IQCM: variants seen among roughly 807,000 people sequenced by gnomAD.
IQCM encodes IQ domain-containing protein M.
Under a neutral mutation model 57.6 loss-of-function variants are expected in IQCM, and 45 were observed. The ratio of observed to expected loss-of-function variants is 0.78; its 90% CI spans 0.62 to 1.00. The LOEUF (loss-of-function observed/expected upper bound fraction) is 1.00, where lower values mean the gene tolerates loss of function less well. Among genes scored for constraint, IQCM ranks in the 50% least tolerant of loss-of-function variants. The probability of loss-of-function intolerance (pLI) is 0.00; values close to 1 mark genes in which losing one functional copy is unlikely to be tolerated. For missense variants in IQCM, 468 were observed against 511.6 expected (o/e 0.91, Z 0.82); for synonymous variants, 148 against 158.9 (o/e 0.93, Z 0.51).
intron 2 of IQCM, among the ~76,000 whole-genome samples, chr4:149,746,818 C>T (rs1671657049): frequency 6.6e-6 from 1 of 152,198 alleles, no homozygotes; most frequent in Admixed American, 6.5e-5. Context: ...AAATCAACTG[C>T]ATGGGCAAGA....
At chr4:149,607,170 A>T (rs560696632) in intron 8 of IQCM, among the ~76,000 whole-genome samples, 1 of 152,176 alleles carries the variant, frequency 6.6e-6, no homozygotes, top group Non-Finnish European at 1.5e-5. Flanking sequence ...AGTAAAAGAA[A>T]AAAAAAGCAA....
At chr4:149,461,332 T>C (rs1579134325) in intron 12 of IQCM, among the ~76,000 whole-genome samples, 1 of 151,702 alleles carries the variant, frequency 6.6e-6, no homozygotes, top group East Asian at 1.9e-4. Context: ...AGGTAACATC[T>C]AATGACCACT....
intron 5 of IQCM, among the ~76,000 whole-genome samples, chr4:149,714,976 C>A (rs1374786432): frequency 6.6e-6 from 1 of 152,166 alleles, no homozygotes; most frequent in African/African-American, 2.4e-5. Flanking sequence ...TTGTTTATTT[C>A]TGGAATTTCC....
intron 9 of IQCM, among the ~76,000 whole-genome samples, chr4:149,564,246 C>T (rs1377502132): frequency 1.3e-5 from 2 of 152,138 alleles, no homozygotes; most frequent in African/African-American, 4.8e-5. Context: ...CAGAGTACTT[C>T]AAAATTATTT....
chr4:149,426,140 C>G (rs892603630), intron 13 of IQCM, among the ~76,000 whole-genome samples: 1 of 151,918 alleles, frequency 6.6e-6, no homozygotes, highest in Admixed American at 6.6e-5. Flanking sequence ...TTTAATTAGT[C>G]CATTATATTT....
chr4:149,553,441 A>G (rs1451129428), intron 10 of IQCM, among the ~76,000 whole-genome samples, 154 bp from the exon 11 acceptor site: 2 of 152,192 alleles, frequency 1.3e-5, no homozygotes, highest in African/African-American at 4.8e-5. Flanking sequence ...TTGTAGAGTA[A>G]TATAATCTCC....
At chr4:149,376,967 C>T (rs1462421110) in intron 13 of IQCM, among the ~76,000 whole-genome samples, 1 of 152,062 alleles carries the variant, frequency 6.6e-6, no homozygotes, top group Non-Finnish European at 1.5e-5. Flanking sequence ...TGCTACCACT[C>T]ATACTGGGTT....
intron 12 of IQCM, among the ~76,000 whole-genome samples, chr4:149,534,120 C>A (rs77027315): frequency 0.017 from 2,616 of 152,104 alleles, 77 homozygotes; most frequent in African/African-American, 0.06. Flanking sequence ...AATCTAGGTA[C>A]CTTAACTTTC....
At chr4:149,390,486 C>T (rs1308523249) in intron 13 of IQCM, among the ~76,000 whole-genome samples, 3 of 151,572 alleles carry the variant, frequency 2.0e-5, no homozygotes, top group Non-Finnish European at 4.4e-5. Context: ...GTGAGAATAT[C>T]TATCCTAAAG....
chr4:149,757,115 G>A (rs192128120), intron 2 of IQCM, among the ~76,000 whole-genome samples: 1,567 of 152,000 alleles, frequency 0.01, 14 homozygotes, highest in African/African-American at 0.035. Context: ...AAAATTAGCC[G>A]GGCATGGTGG....
intron 13 of IQCM, among the ~76,000 whole-genome samples, chr4:149,379,657 T>G (rs1364444231): frequency 2.0e-5 from 3 of 152,212 alleles, no homozygotes; most frequent in Non-Finnish European, 4.4e-5. Flanking sequence ...CTTTTGATCT[T>G]ACAGGCTCAC....
intron 7 of IQCM, among the ~76,000 whole-genome samples, chr4:149,659,331 G>C (rs1476175709): frequency 6.6e-6 from 1 of 151,990 alleles, no homozygotes; most frequent in Non-Finnish European, 1.5e-5. Flanking sequence ...AAATAAAAGA[G>C]GATACAAACA....
chr4:149,434,682 C>G (rs987134109), intron 12 of IQCM, among the ~76,000 whole-genome samples: 1 of 152,064 alleles, frequency 6.6e-6, no homozygotes, highest in Admixed American at 6.6e-5. Context: ...TACTGTCCTG[C>G]TTGTGAGGCT....
rs374455522 is a variant in IQCM at position 149,686,745 on chromosome 4, A to C, written c.386-277T>G. ...TTGCTCTCAGAGAAATGGCTGCAAC[A>C]GCATAGCATATACCGATGAATACAA... On this transcript the variant is annotated intron_variant, in intron 5 of 13. Coordinates refer to ENST00000636793, the MANE Select transcript of IQCM (RefSeq NM_001363507.2). Among the ~76,000 whole-genome samples the C allele has an allele frequency of 3.0e-4, 46 of 151,742 alleles. No individual in the cohort carries two copies. The Middle Eastern group carries it at 0.01, about 34-fold the overall frequency.
At chr4:149,602,393 T>A (rs1435778868) in intron 8 of IQCM, among the ~76,000 whole-genome samples, 1 of 152,140 alleles carries the variant, frequency 6.6e-6, no homozygotes, top group Non-Finnish European at 1.5e-5. Context: ...AGTACCCTCT[T>A]TATTATCATC....
At chr4:149,624,147 A>AGTGTGTGT (rs34626095) in intron 7 of IQCM, among the ~76,000 whole-genome samples, 5 of 144,574 alleles carry the variant, frequency 3.5e-5, no homozygotes, top group African/African-American at 5.1e-5. Flanking sequence ...ATGTGCCCCA[A>AGTGTGTGT]GTGTGTGTGT....
At chr4:149,424,018 C>T (rs1734299509) in intron 13 of IQCM, among the ~76,000 whole-genome samples, 1 of 151,848 alleles carries the variant, frequency 6.6e-6, no homozygotes, top group African/African-American at 2.4e-5. Flanking sequence ...AGTTTGAAAA[C>T]ATAGCTTAGC....
intron 13 of IQCM, among the ~76,000 whole-genome samples, chr4:149,390,247 G>T (rs188439652): frequency 2.0e-3 from 310 of 151,926 alleles, no homozygotes; most frequent in Admixed American, 8.9e-3. Context: ...CCTTAATTTT[G>T]TTGTTTAATT....
At chr4:149,615,682 A>T (rs765559820) in intron 8 of IQCM, among the ~76,000 whole-genome samples, 1 of 152,246 alleles carries the variant, frequency 6.6e-6, no homozygotes, top group African/African-American at 2.4e-5. Flanking sequence ...TAAAGAATGC[A>T]TATCTACAAT....
Sources: gnomAD v4.1 joint callset for allele counts (sites outside exome capture counted in the v4.1 genomes callset) on GRCh38, gnomAD v4.1.1 for gene constraint, MANE v1.5 for transcripts, NCBI Gene and HGNC (gene_info 2026-07-23, HGNC 2026-07-21) for gene names.